The following LRRC70 variants were observed in gnomAD, a reference collection of about 807,000 sequenced individuals.
The protein encoded by LRRC70 is leucine-rich repeat-containing protein 70.
In LRRC70, 31 loss-of-function variants were observed where a neutral mutation model predicts 42.4. The observed-to-expected ratio is 0.73, with a 90% confidence interval of 0.55 to 0.99. The LOEUF (loss-of-function observed/expected upper bound fraction) is 0.99, where lower values mean the gene tolerates loss of function less well. Among genes scored for constraint, LRRC70 ranks in the 50% least tolerant of loss-of-function variants. The pLI is 0.00. For missense variants in LRRC70, 643 were observed against 707.5 expected (o/e 0.91, Z 1.03); for synonymous variants, 270 against 262.9 (o/e 1.03, Z -0.26).
rs1744548793 is a variant in LRRC70 at position 62,581,248 on chromosome 5, A to G, written c.1810A>G (p.Lys604Glu). The G allele has an allele frequency of 1.9e-6, 3 of 1,539,008 alleles. No homozygotes were observed. Among genetic ancestry groups the G allele is most frequent in the Non-Finnish European group, 2.6e-6 (3 of 1,143,836 alleles). ...TGGCTTGGAGCAGATTCGACTTCATAAACAAATTGTTCCTGAAAATGAGGC... is the reference window on the plus strand; with the variant it reads ...TGGCTTGGAGCAGATTCGACTTCATGAACAAATTGTTCCTGAAAATGAGGC... ...SPGLEQIRLH[K>E]QIVPENEAQV... Residue 604 changes from lysine (K) to glutamate (E), a missense_variant, in exon 2 of 2, where the codon AAA (lysine) becomes GAA (glutamate). Lys to Glu is a moderately conservative substitution (Grantham distance 56, BLOSUM62 1). Transcript: ENST00000334994.
chr5:62,579,709 T>C lies in LRRC70; in HGVS notation c.271T>C (p.Leu91=). 6.5e-7 allele frequency: 1 copy of C among 1,548,606 alleles called. No homozygotes were observed. The highest frequency in any genetic ancestry group is 8.7e-7 in the Non-Finnish European group (1 of 1,145,538). ...ACTTCATTCTCTTGTAGCATTGTAT[T>C]TGGATAATTCTAACATTCTGTATGT... ...TGLHSLVALY[L]DNSNILYVYP... The change falls in exon 2 of 2, where the codon TTG becomes CTG. Residue 91 remains leucine (L), a synonymous_variant. Coordinates refer to ENST00000334994, the MANE Select transcript of LRRC70 (RefSeq NM_181506.5).
At position 62,581,297 on chromosome 5, in the gene LRRC70, C is replaced by A. The variant is rs1037991497; in HGVS notation, c.1859C>A (p.Ser620Tyr). 1.3e-6 allele frequency: 2 copies of A among 1,514,018 alleles called. No homozygotes were observed. The highest frequency in any genetic ancestry group is 1.8e-6 in the Non-Finnish European group (2 of 1,134,676). The allele number at this position is 1,514,018 out of a possible 1,614,324, so 93.8% of individuals were successfully genotyped here. A position where few individuals can be genotyped will look rare whatever the true frequency, so the allele number is the denominator to read the frequency against. ...NEAQVILFEHSAL is the reference protein window; with the variant it reads ...NEAQVILFEHYAL ...GCACAGGTCATTCTTTTTGAACATTCTGCTTTATAACTCAACTAAATATTG... is the reference window on the plus strand; with the variant it reads ...GCACAGGTCATTCTTTTTGAACATTATGCTTTATAACTCAACTAAATATTG... The change falls in exon 2 of 2, where the codon TCT (serine) becomes TAT (tyrosine). Residue 620 changes from serine to tyrosine, a missense_variant. Coordinates refer to ENST00000334994, the MANE Select transcript of LRRC70 (RefSeq NM_181506.5).
Position 62,580,295 on chromosome 5 carries a change from A to G in LRRC70, c.857A>G (p.Asn286Ser). ...CTTAAACATTTGATCTTAAGTCATA[A>G]TGATTTAGAGAATTTAAATTCTGAC... ...NNLKHLILSH[N>S]DLENLNSDTF... The change falls in exon 2 of 2, where the codon AAT (asparagine) becomes AGT (serine). Residue 286 changes from asparagine (N) to serine (S), a missense_variant. By Grantham distance (46) the Asn-to-Ser change is conservative (BLOSUM62 1). Transcript: ENST00000334994. The G allele has an allele frequency of 5.2e-6, 8 of 1,539,260 alleles. No homozygotes were observed. The highest frequency in any genetic ancestry group is 7.0e-6 in the Non-Finnish European group (8 of 1,135,868).
In LRRC70 at chr5:62,580,570, G is replaced by A; in HGVS notation, c.1132G>A (p.Ala378Thr). ...LGLRDWLASS[A>T]ITLNIYCQNP... The stretch of plus-strand genomic sequence containing the variant: ...CCTTCGAGACTGGCTAGCATCTTCA[G>A]CCATTACTCTAAACATCTATTGTCA... Residue 378 changes from alanine to threonine, a missense_variant, in exon 2 of 2, where the codon GCC (alanine) becomes ACC (threonine). Coordinates refer to ENST00000334994, the MANE Select transcript of LRRC70 (RefSeq NM_181506.5). The A allele has an allele frequency of 6.4e-7, 1 of 1,551,402 alleles. No individual in the cohort carries two copies. The highest frequency in any genetic ancestry group is 1.2e-5 in the South Asian group (1 of 84,056).
Position 62,579,401 on chromosome 5 carries a change from C to T in LRRC70, c.-38C>T. 1 of 1,539,522 alleles carries T rather than the reference C, an allele frequency of 6.5e-7. No homozygotes were observed. The highest frequency in any genetic ancestry group is 8.8e-7 in the Non-Finnish European group (1 of 1,136,380). On this transcript the variant is annotated splice_region_variant and 5_prime_UTR_variant, in exon 2 of 2. Transcript: ENST00000334994. ...AAAGCTTTACCTTCTCTTTTTATAG[C>T]CAATTCTGATCTGAACAGAAAATCC...
At chr5:62,579,288 A>G (rs2112400696) in intron 1 of LRRC70, 113 bp from the exon 2 acceptor site, 5 of 714,876 alleles carry the variant, frequency 7.0e-6, no homozygotes, top group Non-Finnish European at 1.2e-5. Context: ...ATGATTTATG[A>G]TAGTATTATT....
In LRRC70 at chr5:62,580,885, C is replaced by T. The variant is rs898800957; in HGVS notation, c.1447C>T (p.Pro483Ser). The T allele has an allele frequency of 1.9e-6, 3 of 1,551,198 alleles. No individual in the cohort carries two copies. The highest frequency in any genetic ancestry group is 2.4e-5 in the South Asian group (2 of 84,056). ...TCCATTAGAGACTACAGCAGTGTTA[C>T]CTGTGCAAATACAACTTACTACTTC... ...GNPLETTAVL[P>S]VQIQLTTSVT... The change falls in exon 2 of 2, where the codon CCT becomes TCT. Residue 483 changes from proline to serine, a missense_variant. Transcript: ENST00000334994.
rs1217115922 is a variant in LRRC70, at chr5:62,581,201, C to T, written c.1763C>T (p.Ser588Phe). ...GTAACTGCCTCAATTTGTAACACTTCCCCAAATTCTCTAGAAAGTCCTGGC... is the reference window on the plus strand; with the variant it reads ...GTAACTGCCTCAATTTGTAACACTTTCCCAAATTCTCTAGAAAGTCCTGGC... ...YNVTASICNTSPNSLESPGLE... is the reference protein window; with the variant it reads ...YNVTASICNTFPNSLESPGLE... Residue 588 changes from serine to phenylalanine, a missense_variant, in exon 2 of 2, where the codon TCC becomes TTC. Physicochemically the swap from Ser to Phe is radical, Grantham distance 155. Transcript: ENST00000334994. 6.4e-7 allele frequency: 1 copy of T among 1,550,788 alleles called. No homozygotes were observed. The highest frequency in any genetic ancestry group is 1.4e-5 in the African/African-American group (1 of 72,986).
rs115682516 is a variant in LRRC70, at chr5:62,580,946, C to G, written c.1508C>G (p.Pro503Arg). The change falls in exon 2 of 2, where the codon CCG becomes CGG. Residue 503 changes from proline (P) to arginine (R), a missense_variant. Pro to Arg is a moderately radical substitution (Grantham distance 103). Coordinates refer to ENST00000334994, the MANE Select transcript of LRRC70 (RefSeq NM_181506.5). The part of the protein sequence containing the change: ...TLNLEKNSAL[P>R]NDAASMSGKT... ...AACTTGGAAAAAAACAGTGCTCTAC[C>G]GAATGATGCTGCTTCAATGTCAGGG... The G allele has an allele frequency of 1.3e-6, 2 of 1,551,032 alleles. No homozygotes were observed. The highest frequency in any genetic ancestry group is 1.7e-6 in the Non-Finnish European group (2 of 1,146,774).
In LRRC70 at chr5:62,578,897, A is replaced by T. The variant is rs1426627929; in HGVS notation, c.-77A>T. The T allele has an allele frequency of 2.1e-5, 6 of 290,102 alleles. No homozygotes were observed. The highest frequency in any genetic ancestry group is 2.0e-4 in the East Asian group (2 of 10,228). The allele number at this position is 290,102 out of a possible 1,614,324, so 18.0% of individuals were successfully genotyped here. A position where few individuals can be genotyped will look rare whatever the true frequency, so the allele number is the denominator to read the frequency against. On this transcript the variant is annotated 5_prime_UTR_variant, in exon 1 of 2. Coordinates refer to ENST00000334994, the MANE Select transcript of LRRC70 (RefSeq NM_181506.5). ...AGATTTAAAAAGAAAACCTTTACTG[A>T]ATCAGCTGAGTGTTAATAATACGAA...
At position 62,580,715 on chromosome 5, in the gene LRRC70, A is replaced by C; in HGVS notation, c.1277A>C (p.Lys426Thr). The C allele has an allele frequency of 1.9e-6, 3 of 1,551,484 alleles. No homozygotes were observed. The highest frequency in any genetic ancestry group is 1.7e-6 in the Non-Finnish European group (2 of 1,146,844). The stretch of plus-strand genomic sequence containing the variant: ...GTAAAATCTCCTCATATTCATCACA[A>C]GACTACTGCGCTAATGATGGCCTGG... ...AVVKSPHIHH[K>T]TTALMMAWHK... The change falls in exon 2 of 2, where the codon AAG becomes ACG. Residue 426 changes from lysine (K) to threonine (T), a missense_variant. Physicochemically the swap from Lys to Thr is moderately conservative, Grantham distance 78. Coordinates refer to ENST00000334994, the MANE Select transcript of LRRC70 (RefSeq NM_181506.5).
chr5:62,579,203 G>T (rs1463978496), intron 1 of LRRC70, among the ~76,000 whole-genome samples, 198 bp from the exon 2 acceptor site: 1 of 152,040 alleles, frequency 6.6e-6, no homozygotes, highest in Non-Finnish European at 1.5e-5. Context: ...TTGTCAAATA[G>T]TGGGTTAATG....
rs1177960056 is a variant in LRRC70 at position 62,581,013 on chromosome 5, T to A, written c.1575T>A (p.Asn525Lys). ...GTACACAAGAAGTTGAGAAGTTGAA[T>A]GAGGCTTTTGACATTTTGCTAGCTT... ...LICTQEVEKL[N>K]EAFDILLAFF... The change falls in exon 2 of 2, where the codon AAT becomes AAA. Residue 525 changes from asparagine (N) to lysine (K), a missense_variant. Asn to Lys is a moderately conservative substitution (Grantham distance 94). Coordinates refer to ENST00000334994, the MANE Select transcript of LRRC70 (RefSeq NM_181506.5). The A allele has an allele frequency of 1.9e-6, 3 of 1,551,186 alleles. No homozygotes were observed. Among genetic ancestry groups the A allele is most frequent in the African/African-American group, 1.4e-5 (1 of 73,050 alleles).
In LRRC70 at chr5:62,581,037, T is replaced by G; in HGVS notation, c.1599T>G (p.Ala533=). The G allele has an allele frequency of 6.4e-7, 1 of 1,551,038 alleles. No homozygotes were observed. The highest frequency in any genetic ancestry group is 8.7e-7 in the Non-Finnish European group (1 of 1,146,792). ...KLNEAFDILL[A]FFILACVLII... is the part of the protein sequence containing the mutation. ...ATGAGGCTTTTGACATTTTGCTAGC[T>G]TTTTTCATCTTAGCTTGTGTTTTAA... Residue 533 remains alanine, a synonymous_variant, in exon 2 of 2, where the codon GCT becomes GCG. Transcript: ENST00000334994.
Position 62,580,969 on chromosome 5 carries a change from G to A in LRRC70, c.1531G>A (p.Gly511Arg). 3 of 1,551,106 alleles carry A rather than the reference G, an allele frequency of 1.9e-6. No homozygotes were observed. Among genetic ancestry groups the A allele is most frequent in the Non-Finnish European group, 2.6e-6 (3 of 1,146,756 alleles). Reference sequence around the variant, plus strand: ...ACCGAATGATGCTGCTTCAATGTCAGGGAAAACATCTCTAATTTGTACACA... The same window carrying A: ...ACCGAATGATGCTGCTTCAATGTCAAGGAAAACATCTCTAATTTGTACACA... ...ALPNDAASMS[G>R]KTSLICTQEV... Residue 511 changes from glycine (G) to arginine (R), a missense_variant, in exon 2 of 2, where the codon GGG (glycine) becomes AGG (arginine). Gly to Arg is a moderately radical substitution (Grantham distance 125). Coordinates refer to ENST00000334994, the MANE Select transcript of LRRC70 (RefSeq NM_181506.5).
Position 62,580,503 on chromosome 5 carries a change from G to A in LRRC70, c.1065G>A (p.Gln355=). The change falls in exon 2 of 2, where the codon CAG becomes CAA. Residue 355 remains glutamine (Q), a synonymous_variant. Transcript: ENST00000334994. ...CGTTGTCTTCATTGATTCATCTTCA[G>A]GCAAATTCTAATCCTTGGGAATGTA... is the stretch of plus-strand genomic sequence containing the variant. The part of the protein sequence containing the change: ...LKPLSSLIHL[Q]ANSNPWECNC... 6.4e-7 allele frequency: 1 copy of A among 1,551,330 alleles called. No homozygotes were observed.
Position 62,579,768 on chromosome 5 carries a change from A to G in LRRC70, c.330A>G (p.Leu110=), listed in dbSNP as rs191803132. ...YPKAFVQLRH[L]YFLFLNNNFI... ...AAGCCTTTGTTCAATTGAGGCATCTATATTTTCTATTTCTAAATAATAATT... is the reference window on the plus strand; with the variant it reads ...AAGCCTTTGTTCAATTGAGGCATCTGTATTTTCTATTTCTAAATAATAATT... Residue 110 remains leucine, a synonymous_variant, in exon 2 of 2, where the codon CTA becomes CTG. Transcript: ENST00000334994. 894 of 1,543,166 alleles carry G rather than the reference A, an allele frequency of 5.8e-4. 1 individual carries two copies. Among genetic ancestry groups the G allele is most frequent in the African/African-American group, 2.8e-3 (202 of 72,744 alleles).
At position 62,580,999 on chromosome 5, in the gene LRRC70, G is replaced by A; in HGVS notation, c.1561G>A (p.Val521Ile). The A allele has an allele frequency of 1.9e-6, 3 of 1,551,236 alleles. No homozygotes were observed. The highest frequency in any genetic ancestry group is 2.4e-5 in the South Asian group (2 of 84,010). ...GKTSLICTQE[V>I]EKLNEAFDIL... ...AACATCTCTAATTTGTACACAAGAA[G>A]TTGAGAAGTTGAATGAGGCTTTTGA... The change falls in exon 2 of 2, where the codon GTT becomes ATT. Residue 521 changes from valine (V) to isoleucine (I), a missense_variant. Transcript: ENST00000334994.
Position 62,579,596 on chromosome 5 carries a change from G to C in LRRC70, c.158G>C (p.Ser53Thr), listed in dbSNP as rs761398134. The C allele has an allele frequency of 8.4e-6, 13 of 1,550,942 alleles. No homozygotes were observed. Among genetic ancestry groups the C allele is most frequent in the African/African-American group, 1.4e-5 (1 of 73,000 alleles). The change falls in exon 2 of 2, where the codon AGT becomes ACT. Residue 53 changes from serine (S) to threonine (T), a missense_variant. Physicochemically the swap from Ser to Thr is moderately conservative, Grantham distance 58. Coordinates refer to ENST00000334994, the MANE Select transcript of LRRC70 (RefSeq NM_181506.5). ...AACTGCCGTAACTTAGGCCTTTCGA[G>C]TATTCCTAAGAATTTTCCTGAAAGT... ...QINCRNLGLS[S>T]IPKNFPESTV...
Sources: gnomAD v4.1 joint callset for allele counts (sites outside exome capture counted in the v4.1 genomes callset) on GRCh38, gnomAD v4.1.1 for gene constraint, MANE v1.5 for transcripts, NCBI Gene and HGNC (gene_info 2026-07-23, HGNC 2026-07-21) for gene names.